The following ZNF391 variants were observed in gnomAD, a reference collection of about 807,000 sequenced individuals.
ZNF391 encodes the protein zinc finger protein 391.
For synonymous variants in ZNF391, 126 were observed against 142.1 expected, an observed-to-expected ratio of 0.89 and a Z score of 0.80; for missense variants, 375 against 425.5, an observed-to-expected ratio of 0.88 and a Z score of 1.04.
At position 27,400,924 on chromosome 6, in the gene ZNF391, G is replaced by T. The variant is rs1057463297; in HGVS notation, c.554G>T (p.Arg185Ile). The change falls in exon 3 of 3, where the codon AGA (arginine) becomes ATA (isoleucine). Residue 185 changes from arginine (R) to isoleucine (I), a missense_variant. Coordinates refer to ENST00000244576, the MANE Select transcript of ZNF391 (RefSeq NM_001076781.3). ...SRSTHLSLHQ[R>I]IHTGEKPYEC... Reference sequence around the variant, plus strand: ...AGCACACATCTTAGTCTACATCAGAGAATCCATACTGGAGAAAAACCATAT... The same window carrying T: ...AGCACACATCTTAGTCTACATCAGATAATCCATACTGGAGAAAAACCATAT... The T allele has an allele frequency of 6.2e-7, 1 of 1,614,148 alleles. No homozygotes were observed. The highest frequency in any genetic ancestry group is 8.5e-7 in the Non-Finnish European group (1 of 1,180,002).
chr6:27,400,926 A>T lies in ZNF391; in HGVS notation c.556A>T (p.Ile186Phe). Residue 186 changes from isoleucine to phenylalanine, a missense_variant, in exon 3 of 3, where the codon ATC becomes TTC. Ile to Phe is a conservative substitution (Grantham distance 21). Coordinates refer to ENST00000244576, the MANE Select transcript of ZNF391 (RefSeq NM_001076781.3). Reference sequence around the variant, plus strand: ...CACACATCTTAGTCTACATCAGAGAATCCATACTGGAGAAAAACCATATGA... The same window carrying T: ...CACACATCTTAGTCTACATCAGAGATTCCATACTGGAGAAAAACCATATGA... Reference protein sequence around the residue: ...RSTHLSLHQRIHTGEKPYECS... With the variant: ...RSTHLSLHQRFHTGEKPYECS... The T allele has an allele frequency of 1.2e-6, 2 of 1,614,188 alleles. No homozygotes were observed. Among genetic ancestry groups the T allele is most frequent in the Non-Finnish European group, 1.7e-6 (2 of 1,180,016 alleles).
intron 1 of ZNF391, among the ~76,000 whole-genome samples, chr6:27,399,212 T>C (rs1338127669): frequency 6.6e-6 from 1 of 152,166 alleles, no homozygotes; most frequent in Non-Finnish European, 1.5e-5. Flanking sequence ...TCATAAGTAA[T>C]TCTGATGTGT....
chr6:27,398,743 C>G (rs1011879161), intron 1 of ZNF391, among the ~76,000 whole-genome samples: 5 of 152,080 alleles, frequency 3.3e-5, no homozygotes, highest in African/African-American at 1.2e-4. Context: ...CCTGTAGTCC[C>G]AGCTACTCGG....
intron 1 of ZNF391, 187 bp downstream of exon 1, chr6:27,389,262 G>C (rs1026613657): frequency 2.2e-6 from 1 of 456,240 alleles, no homozygotes; most frequent in Non-Finnish European, 4.4e-6. Flanking sequence ...GTCCCTCTGC[G>C]GCAGTGACAG....
chr6:27,384,503 T>C (rs1581526414), upstream of ZNF391, among the ~76,000 whole-genome samples: 1 of 144,098 alleles, frequency 6.9e-6, no homozygotes, highest in African/African-American at 2.6e-5. Context: ...AGAGAGAGAA[T>C]GAATAAGTAA....
At chr6:27,383,253 C>A (rs375810008) in intron 1 of ZNF391, among the ~76,000 whole-genome samples, 1 of 149,614 alleles carries the variant, frequency 6.7e-6, no homozygotes, top group Non-Finnish European at 1.5e-5. Context: ...AGAAAGACAC[C>A]GAGAGAGACA....
At chr6:27,399,317 C>T (rs1459621809) in intron 1 of ZNF391, 125 bp from the exon 2 acceptor site, 1 of 152,258 alleles carries the variant, frequency 6.6e-6, no homozygotes, top group African/African-American at 2.4e-5. Flanking sequence ...TCCAGCCCCT[C>T]CTGCCATAGA....
At chr6:27,378,281 A>G (rs1174019875) in intron 1 of ZNF391, among the ~76,000 whole-genome samples, 4 of 152,222 alleles carry the variant, frequency 2.6e-5, no homozygotes, top group Non-Finnish European at 5.9e-5. Flanking sequence ...TGAAGAGACC[A>G]CTAAACAGGC....
upstream of ZNF391, among the ~76,000 whole-genome samples, chr6:27,386,185 A>T (rs1168327342): frequency 1.3e-5 from 2 of 152,124 alleles, no homozygotes; most frequent in Non-Finnish European, 2.9e-5. Flanking sequence ...TAGCATAAAA[A>T]TACCTAGGAA....
intron 1 of ZNF391, among the ~76,000 whole-genome samples, chr6:27,377,391 T>G (rs1761434401): frequency 6.6e-6 from 1 of 152,186 alleles, no homozygotes; most frequent in African/African-American, 2.4e-5. Context: ...CCAATATCAC[T>G]AAGGAAAACT....
At chr6:27,393,514 A>G (rs1581532826) in intron 1 of ZNF391, among the ~76,000 whole-genome samples, 1 of 152,206 alleles carries the variant, frequency 6.6e-6, no homozygotes, top group African/African-American at 2.4e-5. Flanking sequence ...TTTATAAATT[A>G]CCCAGCCTCA....
At chr6:27,381,130 G>C (rs372606308) in intron 1 of ZNF391, among the ~76,000 whole-genome samples, 6 of 152,208 alleles carry the variant, frequency 3.9e-5, no homozygotes, top group Non-Finnish European at 8.8e-5. Flanking sequence ...GGCGCTCATC[G>C]GGGAGGCTTG....
chr6:27,380,414 G>A (rs1761479959), intron 1 of ZNF391, among the ~76,000 whole-genome samples: 1 of 151,760 alleles, frequency 6.6e-6, no homozygotes, highest in Admixed American at 6.6e-5. Flanking sequence ...GTTTCTCCCG[G>A]TGGGTTCGTG....
At chr6:27,396,005 C>G (rs139289864) in intron 1 of ZNF391, among the ~76,000 whole-genome samples, 22 of 152,232 alleles carry the variant, frequency 1.4e-4, no homozygotes, top group Admixed American at 1.4e-3. Flanking sequence ...GCTTTAGTAG[C>G]TTTAGAGGCT....
chr6:27,381,258 T>G (rs1334329532), intron 1 of ZNF391, among the ~76,000 whole-genome samples: 1 of 152,192 alleles, frequency 6.6e-6, no homozygotes, highest in Non-Finnish European at 1.5e-5. Flanking sequence ...GCAGCGCCGG[T>G]GGGCTAGCAC....
At chr6:27,395,860 C>T (rs1009912914) in intron 1 of ZNF391, among the ~76,000 whole-genome samples, 1 of 152,166 alleles carries the variant, frequency 6.6e-6, no homozygotes, top group Admixed American at 6.5e-5. Context: ...TCTCTCTTCT[C>T]CAGAATGGGA....
chr6:27,379,065 G>C (rs1761459543), intron 1 of ZNF391, among the ~76,000 whole-genome samples: 1 of 152,180 alleles, frequency 6.6e-6, no homozygotes, highest in Non-Finnish European at 1.5e-5. Flanking sequence ...ATGAAAACCA[G>C]CATTACTGAC....
At chr6:27,395,160 A>G (rs1761795622) in intron 1 of ZNF391, 1 of 151,760 alleles carries the variant, frequency 6.6e-6, no homozygotes, top group Non-Finnish European at 1.5e-5. Flanking sequence ...CAATGTGAGG[A>G]CTTGAGACTT....
upstream of ZNF391, among the ~76,000 whole-genome samples, chr6:27,386,961 C>T (rs1371563609): frequency 2.2e-5 from 2 of 91,798 alleles, no homozygotes; most frequent in East Asian, 2.6e-4. Context: ...AAAATATTTG[C>T]AAATCATATC....
Sources: allele counts gnomAD v4.1 joint callset (sites outside exome capture counted in the v4.1 genomes callset), GRCh38; gene constraint gnomAD v4.1.1; transcripts MANE v1.5; gene names NCBI Gene and HGNC (gene_info 2026-07-23, HGNC 2026-07-21).